Variants in ZNF711 observed in about 807,000 individuals in gnomAD.
The protein encoded by ZNF711 is ZFX family zinc finger ZNF711.
A neutral mutation model predicts 43.5 loss-of-function variants in ZNF711; 3 were observed. The ratio of observed to expected loss-of-function variants is 0.07; its 90% confidence interval spans 0.03 to 0.18. The LOEUF is 0.18. Among genes scored for constraint, ZNF711 ranks in the 10% least tolerant of loss-of-function variants. The pLI, the probability that ZNF711 is intolerant of heterozygous loss-of-function variation, is 1.00. For synonymous variants in ZNF711, 209 were observed against 207.7 expected (o/e 1.01, Z -0.06); for missense variants, 412 against 604.0 (o/e 0.68, Z 3.33).
intron 4 of ZNF711, among the ~76,000 whole-genome samples, chrX:85,249,642 A>C (rs1727922013): frequency 8.9e-6 from 1 of 111,895 alleles, no homozygotes; most frequent in Non-Finnish European, 1.9e-5. Flanking sequence ...TGTTAGGGGA[A>C]TAGAATATGC....
chrX:85,270,070 C>T lies in ZNF711; in HGVS notation c.1170C>T (p.Asp390=), dbSNP rs754206200. 25 of 1,207,210 alleles carry T rather than the reference C, an allele frequency of 2.1e-5. No individual in the cohort carries two copies. The highest frequency in any genetic ancestry group is 8.8e-5 in the Admixed American group (4 of 45,517). The change falls in exon 10 of 11, where the codon GAC becomes GAT. Residue 390 remains aspartate (D), a synonymous_variant. Coordinates refer to ENST00000674551, the MANE Select transcript of ZNF711 (RefSeq NM_001330574.2). ...STAAQYLQIC[D]GINTNKVLKQ... is the part of the protein sequence containing the mutation. ...CAGCACAGTACCTTCAAATTTGTGA[C>T]GGCATTAATACAAATAAAGTACTTA... is the stretch of plus-strand genomic sequence containing the variant.
Position 85,271,985 on chromosome X carries a change from G to GA in ZNF711, c.*158dup, listed in dbSNP as rs748864329. 5 of 479,391 alleles carry GA rather than the reference G, an allele frequency of 1.0e-5. No homozygotes were observed. In the African/African-American group the frequency reaches 1.2e-4, roughly 12 times the overall value. The allele number at this position is 479,391 out of a possible 1,213,427, so 39.5% of individuals were successfully genotyped here. A position where few individuals can be genotyped will look rare whatever the true frequency, so the allele number is the denominator to read the frequency against. On this transcript the variant is annotated 3_prime_UTR_variant, in exon 11 of 11. Coordinates refer to ENST00000674551, the MANE Select transcript of ZNF711 (RefSeq NM_001330574.2). ...TCTTAAAATATTTGAATTCACAGGG[G>GA]ATCCCATAGCCCTTTGAAAATTACT...
chrX:85,267,011 A>G (rs184402425), intron 7 of ZNF711, among the ~76,000 whole-genome samples: 11 of 109,270 alleles, frequency 1.0e-4, no homozygotes, highest in Non-Finnish European at 2.1e-4. Flanking sequence ...ATCATTCAGT[A>G]TATTTCAAGC....
chrX:85,247,673 A>G (rs1411895050), intron 4 of ZNF711, 22 bp downstream of exon 4: 3 of 1,173,895 alleles, frequency 2.6e-6, no homozygotes, highest in Admixed American at 2.2e-5. Context: ...TCTTTGTTGT[A>G]TTTTTTTCTT....
At chrX:85,251,464 A>G (rs1314202503) in intron 4 of ZNF711, among the ~76,000 whole-genome samples, 1 of 111,253 alleles carries the variant, frequency 9.0e-6, no homozygotes, top group Non-Finnish European at 1.9e-5. Flanking sequence ...GTGGCCCAAG[A>G]CAGACCTGAC....
In ZNF711 at chrX:85,248,824, A is replaced by G. The variant is rs191122606; in HGVS notation, c.79+1173A>G. 3.6e-3 allele frequency among the ~76,000 whole-genome samples: 402 copies of G among 112,010 alleles called. 2 individuals carry two copies. The highest frequency in any genetic ancestry group is 0.012 in the African/African-American group (380 of 30,851). ...TTTGCTAAGTTAAGAAAATGCTACT[A>G]TTGTTCGTTGATAATATGGTTGAAT... On this transcript the variant is annotated intron_variant, in intron 4 of 10. Coordinates refer to ENST00000674551, the MANE Select transcript of ZNF711 (RefSeq NM_001330574.2).
intron 1 of ZNF711, among the ~76,000 whole-genome samples, chrX:85,244,599 T>C (rs1176301159): frequency 9.0e-6 from 1 of 110,654 alleles, no homozygotes; most frequent in Non-Finnish European, 1.9e-5. Flanking sequence ...GGCGCCCCAG[T>C]CGCCTCGCCC....
Position 85,270,745 on chromosome X carries a change from C to T in ZNF711, c.1341C>T (p.His447=). 2 of 1,203,894 alleles carry T rather than the reference C, an allele frequency of 1.7e-6. No homozygotes were observed. Among genetic ancestry groups the T allele is most frequent in the Non-Finnish European group, 2.2e-6 (2 of 890,489 alleles). The change falls in exon 11 of 11, where the codon CAC becomes CAT. Residue 447 remains histidine, a synonymous_variant. Transcript: ENST00000674551. ...KFKSRGFLKR[H]MKNHPDHLMR... ...AATCCAGGGGATTCTTAAAAAGACA[C>T]ATGAAGAATCATCCTGATCATTTAA...
chrX:85,255,842 T>C (rs1370422026), intron 5 of ZNF711, 41 bp downstream of exon 5: 1 of 1,175,586 alleles, frequency 8.5e-7, no homozygotes, highest in Non-Finnish European at 1.1e-6. Context: ...AGGAGATTGA[T>C]TTATATAATC....
intron 4 of ZNF711, among the ~76,000 whole-genome samples, chrX:85,250,706 G>C (rs1478053858): frequency 9.0e-6 from 1 of 111,416 alleles, no homozygotes; most frequent in Non-Finnish European, 1.9e-5. Flanking sequence ...TTTGCTATTA[G>C]ATCAAGAGTA....
intron 5 of ZNF711, among the ~76,000 whole-genome samples, chrX:85,260,816 C>G (rs187270448): frequency 1.3e-4 from 14 of 110,625 alleles, no homozygotes; most frequent in African/African-American, 4.6e-4. Flanking sequence ...ACCCCGCCCC[C>G]CCTGCTGACA....
At chrX:85,249,825 A>G (rs893245070) in intron 4 of ZNF711, among the ~76,000 whole-genome samples, 3 of 111,461 alleles carry the variant, frequency 2.7e-5, no homozygotes, top group Non-Finnish European at 1.9e-5. Flanking sequence ...TTCATATCCT[A>G]AAAAAAGACA....
intron 4 of ZNF711, among the ~76,000 whole-genome samples, chrX:85,250,263 G>A (rs1349439829): frequency 2.7e-5 from 3 of 111,058 alleles, no homozygotes; most frequent in African/African-American, 6.5e-5. Context: ...AGAGCCTCTT[G>A]GAATTTTTTT....
In ZNF711 at chrX:85,273,279, G is replaced by C. The variant is rs1489568569; in HGVS notation, c.*1451G>C. The C allele has an allele frequency of 8.9e-6, 1 of 111,850 alleles. No homozygotes were observed. The highest frequency in any genetic ancestry group is 2.8e-4 in the East Asian group (1 of 3,557). The allele number at this position is 111,850 out of a possible 1,213,427, so 9.2% of individuals were successfully genotyped here. A position where few individuals can be genotyped will look rare whatever the true frequency, so the allele number is the denominator to read the frequency against. ...AAATGATGTACACGCTGTAAAATAA[G>C]ATCGCTACTGTTATGTGGGATTATT... On this transcript the variant is annotated 3_prime_UTR_variant, in exon 11 of 11. Coordinates refer to ENST00000674551, the MANE Select transcript of ZNF711 (RefSeq NM_001330574.2).
chrX:85,248,173 T>TAAAA (rs1441888522), intron 4 of ZNF711, among the ~76,000 whole-genome samples: 6,849 of 99,163 alleles, frequency 0.069, 473 homozygotes, highest in African/African-American at 0.2. Flanking sequence ...TTTTTTTTTT[T>TAAAA]AAAAAAAAAA....
Position 85,254,100 on chromosome X carries a change from C to T in ZNF711, c.80-1159C>T, listed in dbSNP as rs138417057. 4.7e-3 allele frequency among the ~76,000 whole-genome samples: 526 copies of T among 111,520 alleles called. 2 individuals carry two copies. Among genetic ancestry groups the T allele is most frequent in the African/African-American group, 0.016 (501 of 30,609 alleles). ...TTTTTGCTACTATGAGTAATAGCTA[C>T]TATGAGCTGTTAGGAATATTTCTGT... On this transcript the variant is annotated intron_variant, in intron 4 of 10. Coordinates refer to ENST00000674551, the MANE Select transcript of ZNF711 (RefSeq NM_001330574.2).
At chrX:85,270,563 T>A in intron 10 of ZNF711, 88 bp from the exon 11 acceptor site, 4 of 781,416 alleles carry the variant, frequency 5.1e-6, no homozygotes, top group Non-Finnish European at 7.6e-6. Context: ...TTTCACATAG[T>A]GAATGCCAAC....
chrX:85,248,198 C>T (rs1349413660), intron 4 of ZNF711, among the ~76,000 whole-genome samples: 1 of 103,680 alleles, frequency 9.6e-6, no homozygotes, highest in Non-Finnish European at 2.0e-5. Context: ...GGCCGGGCTT[C>T]GTGGCTCATG....
chrX:85,245,460 G>A (rs1344513371), intron 1 of ZNF711, among the ~76,000 whole-genome samples: 3 of 111,954 alleles, frequency 2.7e-5, no homozygotes, highest in African/African-American at 9.7e-5. Flanking sequence ...TTCCTATGTG[G>A]GGAAAGATAC....
Sources: allele counts gnomAD v4.1 joint callset (sites outside exome capture counted in the v4.1 genomes callset), GRCh38; gene constraint gnomAD v4.1.1; transcripts MANE v1.5; gene names NCBI Gene and HGNC (gene_info 2026-07-23, HGNC 2026-07-21).